FANK1: variants seen among roughly 807,000 people sequenced by gnomAD.
The protein encoded by FANK1 is fibronectin type 3 and ankyrin repeat domains protein 1.
In FANK1, 44 loss-of-function variants were observed where a neutral mutation model predicts 45.3. The ratio of observed to expected loss-of-function variants is 0.97; its 90% CI spans 0.76 to 1.25. The LOEUF (loss-of-function observed/expected upper bound fraction) is 1.25, where lower values mean the gene tolerates loss of function less well. Ranked by LOEUF, FANK1 falls within the 50% of genes most tolerant of loss-of-function variation. FANK1 has a pLI of 0.00. For missense variants in FANK1, 391 were observed against 424.4 expected, an observed-to-expected ratio of 0.92 and a Z score of 0.69; for synonymous variants, 149 against 152.5, an observed-to-expected ratio of 0.98 and a Z score of 0.17.
At chr10:125,931,222 G>GT in intron 1 of FANK1, among the ~76,000 whole-genome samples, 1 of 152,310 alleles carries the variant, frequency 6.6e-6, no homozygotes. Context: ...TTTCCTCTGG[G>GT]TAGATACCCA....
At chr10:125,975,472 G>A (rs867147721) in intron 1 of FANK1, among the ~76,000 whole-genome samples, 14 of 152,260 alleles carry the variant, frequency 9.2e-5, no homozygotes, top group South Asian at 2.1e-4. Context: ...AGTGTATAAA[G>A]GTTCCCTTTG....
intron 1 of FANK1, among the ~76,000 whole-genome samples, chr10:125,952,955 G>C (rs560099105): frequency 6.6e-6 from 1 of 152,224 alleles, no homozygotes; most frequent in Non-Finnish European, 1.5e-5. Context: ...AGAAAGCTCA[G>C]TGTAGAAAAT....
At chr10:126,007,355 A>G (rs1307806302) in intron 7 of FANK1, among the ~76,000 whole-genome samples, 1 of 152,236 alleles carries the variant, frequency 6.6e-6, no homozygotes, top group Non-Finnish European at 1.5e-5. Context: ...CCAAAAGAGA[A>G]AGTGTGTGTA....
At chr10:125,956,202 T>TGG (rs71486556) in intron 1 of FANK1, among the ~76,000 whole-genome samples, 17,847 of 71,430 alleles carry the variant, frequency 0.25, 1,893 homozygotes, top group East Asian at 0.4. Flanking sequence ...ATACATTTTT[T>TGG]GGGGGGGGGG....
rs193261625 is a variant in FANK1 at position 125,908,247 on chromosome 10, C to T, written c.13+11592C>T. ...CTCACCTCAGGTGATCTGTCTGCCT[C>T]GGCCTCCCAAAGGGCTGGGATTACA... On this transcript the variant is annotated intron_variant, in intron 1 of 10. Transcript: ENST00000368693. Among the ~76,000 whole-genome samples the T allele has an allele frequency of 7.2e-3, 1,088 of 151,990 alleles. 12 individuals are homozygous for T. The highest frequency in any genetic ancestry group is 0.025 in the African/African-American group (1,023 of 41,456).
chr10:125,990,360 C>T (rs1210674088), intron 3 of FANK1, among the ~76,000 whole-genome samples: 1 of 152,114 alleles, frequency 6.6e-6, no homozygotes, highest in Admixed American at 6.5e-5. Context: ...CACCACTGCA[C>T]TCTCCAGCCT....
chr10:125,951,248 AAAG>A (rs1949206727), intron 1 of FANK1, among the ~76,000 whole-genome samples: 3 of 152,096 alleles, frequency 2.0e-5, no homozygotes, highest in Non-Finnish European at 4.4e-5. Flanking sequence ...AAAAAAAAAA[AAAG>A]AACAAAACAA....
chr10:125,902,545 G>C (rs2134102082), intron 1 of FANK1, among the ~76,000 whole-genome samples: 1 of 152,308 alleles, frequency 6.6e-6, no homozygotes, highest in South Asian at 2.1e-4. Context: ...TGCCTCTTGT[G>C]GATTGTGCTT....
chr10:125,920,429 G>A (rs1946862548), intron 1 of FANK1, among the ~76,000 whole-genome samples: 1 of 152,120 alleles, frequency 6.6e-6, no homozygotes, highest in African/African-American at 2.4e-5. Flanking sequence ...GGTTAAGCAG[G>A]AAATTTACAG....
At chr10:125,926,763 G>A (rs1389609775) in intron 1 of FANK1, among the ~76,000 whole-genome samples, 3 of 151,934 alleles carry the variant, frequency 2.0e-5, no homozygotes, top group Admixed American at 1.3e-4. Flanking sequence ...TTCCACTTGA[G>A]ATCATTTTCT....
intron 1 of FANK1, among the ~76,000 whole-genome samples, chr10:125,951,773 ACCTT>A (rs1156846986): frequency 6.6e-6 from 1 of 152,156 alleles, no homozygotes; most frequent in Non-Finnish European, 1.5e-5. Context: ...CCACTAAGAT[ACCTT>A]CCGTTGAGTT....
intron 1 of FANK1, among the ~76,000 whole-genome samples, chr10:125,950,219 G>A (rs907278449): frequency 1.3e-5 from 2 of 151,320 alleles, no homozygotes; most frequent in Admixed American, 6.6e-5. Context: ...AGGACTTCAT[G>A]TCCAAAACAC....
chr10:125,973,757 C>CAAAT (rs1249744316), intron 1 of FANK1: 1 of 152,172 alleles, frequency 6.6e-6, no homozygotes, highest in African/African-American at 2.4e-5. Flanking sequence ...TCAAACCTTA[C>CAAAT]AAATATACTG....
At chr10:125,987,817 G>A (rs550764061) in intron 2 of FANK1, among the ~76,000 whole-genome samples, 16 of 152,196 alleles carry the variant, frequency 1.1e-4, no homozygotes, top group South Asian at 6.2e-4. Flanking sequence ...TAGCACTTGC[G>A]CTAGGTCCCA....
chr10:125,983,797 G>A lies in FANK1; in HGVS notation c.191+3459G>A, dbSNP rs1244487402. ...GAGAACTCTGGCTTACTCTGAGAGA[G>A]GCGGGGAAAGCCACTGGAGATTGTG... On this transcript the variant is annotated intron_variant, in intron 2 of 10. Coordinates refer to ENST00000368693, the MANE Select transcript of FANK1 (RefSeq NM_145235.5). The surrounding 1 kb of genome is among the most constrained non-coding windows in gnomAD (Gnocchi z 4.3). Among the ~76,000 whole-genome samples the A allele has an allele frequency of 6.6e-6, 1 of 152,192 alleles. No individual in the cohort carries two copies. The highest frequency in any genetic ancestry group is 2.4e-5 in the African/African-American group (1 of 41,452).
At chr10:125,916,365 A>G (rs1946446499) in intron 1 of FANK1, among the ~76,000 whole-genome samples, 1 of 152,102 alleles carries the variant, frequency 6.6e-6, no homozygotes, top group African/African-American at 2.4e-5. Context: ...TATAAAAAGT[A>G]GGTACTGTCA....
chr10:126,000,656 A>G (rs568136320), intron 6 of FANK1, among the ~76,000 whole-genome samples: 34 of 152,354 alleles, frequency 2.2e-4, no homozygotes, highest in South Asian at 4.1e-4. Context: ...TTATCTTGTA[A>G]TGTGAAAGGA....
chr10:125,994,883 T>C (rs566065447), intron 3 of FANK1: 1 of 985,404 alleles, frequency 1.0e-6, no homozygotes, highest in East Asian at 1.1e-4. Flanking sequence ...CTAATTGGCT[T>C]TTCTCCTGGT....
intron 1 of FANK1, chr10:125,973,530 T>C (rs1043169744): frequency 3.8e-5 from 34 of 889,518 alleles, no homozygotes; most frequent in Non-Finnish European, 4.3e-5. Context: ...TTCTTCCACA[T>C]GTATCCCTCA....
Sources: gnomAD v4.1 joint callset for allele counts (sites outside exome capture counted in the v4.1 genomes callset) on GRCh38, gnomAD v4.1.1 for gene constraint, Gnocchi (gnomAD v3.1) non-coding constraint, MANE v1.5 for transcripts, NCBI Gene and HGNC (gene_info 2026-07-23, HGNC 2026-07-21) for gene names.